Variants in PTPRG observed in about 807,000 individuals in gnomAD.
The protein encoded by PTPRG is receptor-type tyrosine-protein phosphatase gamma.
A neutral mutation model predicts 165.3 loss-of-function variants in PTPRG; 102 were observed. The ratio of observed to expected loss-of-function variants is 0.62; its 90% CI spans 0.53 to 0.73. The LOEUF (loss-of-function observed/expected upper bound fraction) is 0.73. PTPRG is among the 30% of genes least tolerant of loss of function. PTPRG has a pLI of 0.00. For synonymous variants in PTPRG, 675 were observed against 669.5 expected, an observed-to-expected ratio of 1.01 and a Z score of -0.13; for missense variants, 1,866 against 1,861.4, an observed-to-expected ratio of 1.00 and a Z score of -0.05.
chr3:62,079,900 C>T (rs544631390), intron 5 of PTPRG, among the ~76,000 whole-genome samples: 6 of 152,208 alleles, frequency 3.9e-5, no homozygotes, highest in South Asian at 2.1e-4. Flanking sequence ...TGGAACATAG[C>T]GGACACTTGG....
At chr3:61,736,197 C>T (rs537460814) in intron 1 of PTPRG, among the ~76,000 whole-genome samples, 14 of 150,240 alleles carry the variant, frequency 9.3e-5, no homozygotes, top group South Asian at 8.5e-4. Context: ...TGTGAGCCAC[C>T]GCACCCGGCC....
chr3:61,912,084 G>C lies in PTPRG; in HGVS notation c.191-77541G>C, dbSNP rs547528850. ...GAGTGGTGTAAGGAGCGAGTCCTCA[G>C]GATCTTATCTAGCTGCCTTCTATTT... On this transcript the variant is annotated intron_variant, in intron 2 of 29. Transcript: ENST00000474889. Among the ~76,000 whole-genome samples the C allele has an allele frequency of 3.7e-4, 57 of 152,136 alleles. 1 individual carries two copies. The highest frequency in any genetic ancestry group is 6.8e-4 in the Non-Finnish European group (46 of 67,990).
intron 2 of PTPRG, among the ~76,000 whole-genome samples, chr3:61,758,275 G>C (rs1355781032): frequency 3.9e-5 from 6 of 152,100 alleles, no homozygotes; most frequent in Non-Finnish European, 7.4e-5. Context: ...GCATGAGTCA[G>C]GGTACCCACC....
At chr3:61,940,230 G>A (rs1185076415) in intron 2 of PTPRG, among the ~76,000 whole-genome samples, 3 of 152,106 alleles carry the variant, frequency 2.0e-5, no homozygotes, top group Non-Finnish European at 2.9e-5. Flanking sequence ...GATTACAGGC[G>A]TGAGCCACCG....
chr3:62,039,412 G>C (rs995860525), intron 4 of PTPRG, among the ~76,000 whole-genome samples: 1 of 151,936 alleles, frequency 6.6e-6, no homozygotes. Flanking sequence ...CATGCAACAG[G>C]GGGAAAAAAT....
chr3:62,027,720 G>T (rs984527534), intron 4 of PTPRG, among the ~76,000 whole-genome samples: 2 of 152,064 alleles, frequency 1.3e-5, no homozygotes, highest in Admixed American at 6.6e-5. Flanking sequence ...TCCTTTGTGG[G>T]CACAGATTTT....
intron 6 of PTPRG, among the ~76,000 whole-genome samples, chr3:62,144,083 T>C (rs79848769): frequency 0.077 from 11,701 of 152,246 alleles, 629 homozygotes; most frequent in Non-Finnish European, 0.11. Flanking sequence ...CTCACTTGTT[T>C]ACATATCATC....
chr3:61,998,646 C>T (rs534156317), intron 3 of PTPRG, among the ~76,000 whole-genome samples: 1 of 152,330 alleles, frequency 6.6e-6, no homozygotes, highest in Admixed American at 6.5e-5. Flanking sequence ...AAGGTATAGA[C>T]CTCCAGAGCC....
chr3:62,150,112 A>G (rs1282612492), intron 6 of PTPRG, among the ~76,000 whole-genome samples: 1 of 152,192 alleles, frequency 6.6e-6, no homozygotes, highest in African/African-American at 2.4e-5. Context: ...AACAGTGGTC[A>G]GGATAGGCCT....
chr3:62,129,252 T>G (rs1299395555), intron 5 of PTPRG, among the ~76,000 whole-genome samples: 1 of 152,180 alleles, frequency 6.6e-6, no homozygotes, highest in African/African-American at 2.4e-5. Flanking sequence ...TGACTGGTTG[T>G]TTTCCTTTTG....
At chr3:62,262,670 C>T (rs878925128) in intron 16 of PTPRG, 128 bp from the exon 17 acceptor site, 30 of 489,752 alleles carry the variant, frequency 6.1e-5, no homozygotes, top group African/African-American at 5.6e-4. Flanking sequence ...TAATTATATC[C>T]GAAGTTGGGA....
chr3:61,955,890 G>C (rs1260640501), intron 2 of PTPRG, among the ~76,000 whole-genome samples: 1 of 152,054 alleles, frequency 6.6e-6, no homozygotes, highest in Non-Finnish European at 1.5e-5. Context: ...TAGCACTGTG[G>C]AGTGTCAACA....
intron 2 of PTPRG, among the ~76,000 whole-genome samples, chr3:61,816,256 G>A (rs891236802): frequency 3.9e-5 from 6 of 152,204 alleles, no homozygotes; most frequent in Admixed American, 2.0e-4. Context: ...AAGGCTGGAC[G>A]TGGTGGCTCA....
At chr3:61,685,842 C>G (rs1393334174) in intron 1 of PTPRG, among the ~76,000 whole-genome samples, 3 of 152,098 alleles carry the variant, frequency 2.0e-5, no homozygotes, top group Non-Finnish European at 4.4e-5. Flanking sequence ...AGAGTGTGGC[C>G]TTTGTCAGTG....
intron 1 of PTPRG, among the ~76,000 whole-genome samples, chr3:61,712,050 T>C (rs11712902): frequency 0.12 from 18,551 of 151,976 alleles, 1,443 homozygotes; most frequent in East Asian, 0.17. Flanking sequence ...CCTGCTACCA[T>C]GCCCAGTTAA....
At chr3:62,285,996 A>ATGACATGTGAT (rs1407883058) in intron 28 of PTPRG, among the ~76,000 whole-genome samples, 2 of 152,212 alleles carry the variant, frequency 1.3e-5, no homozygotes, top group African/African-American at 4.8e-5. Flanking sequence ...CCAGAAGTAC[A>ATGACATGTGAT]TGACATGTGA....
rs867380780 is a variant in PTPRG, at chr3:62,228,784, G to T, written c.2289-2441G>T. On this transcript the variant is annotated intron_variant, in intron 13 of 29. Coordinates refer to ENST00000474889, the MANE Select transcript of PTPRG (RefSeq NM_002841.4). This position sits in a 1 kb window ranked among gnomAD's most constrained non-coding sequence, Gnocchi z 4.1. The stretch of plus-strand genomic sequence containing the variant: ...CTCAATGTCCTCTTATGCTGAGGGA[G>T]AGTGAGAATCAAAAGGTAGGTTTAT... Among the ~76,000 whole-genome samples the T allele has an allele frequency of 1.8e-4, 28 of 152,204 alleles. No individual in the cohort carries two copies. The highest frequency in any genetic ancestry group is 2.1e-4 in the Non-Finnish European group (14 of 68,038).
chr3:62,173,557 C>G (rs1167272691), intron 8 of PTPRG, among the ~76,000 whole-genome samples: 1 of 152,150 alleles, frequency 6.6e-6, no homozygotes, highest in Admixed American at 6.5e-5. Context: ...TTTCTGTCTT[C>G]AAGGTGGTAA....
intron 14 of PTPRG, among the ~76,000 whole-genome samples, chr3:62,238,727 T>C (rs1701087476): frequency 6.6e-6 from 1 of 152,180 alleles, no homozygotes; most frequent in African/African-American, 2.4e-5. Flanking sequence ...CAAAGAGCTA[T>C]GCACTGCTTG....
Sources: gnomAD v4.1 joint callset for allele counts (sites outside exome capture counted in the v4.1 genomes callset) on GRCh38, gnomAD v4.1.1 for gene constraint, Gnocchi (gnomAD v3.1) non-coding constraint, MANE v1.5 for transcripts, NCBI Gene and HGNC (gene_info 2026-07-23, HGNC 2026-07-21) for gene names.